KMO: variants seen among roughly 807,000 people sequenced by gnomAD.
KMO encodes kynurenine 3-hydroxylase.
In KMO, 24 loss-of-function variants were observed where a neutral mutation model predicts 57.8. That is an observed-to-expected ratio of 0.42 (90% CI 0.30 to 0.58). KMO has a LOEUF of 0.58. KMO is among the 20% of genes least tolerant of loss of function. The probability of loss-of-function intolerance (pLI) is 0.22; values close to 1 mark genes in which losing one functional copy is unlikely to be tolerated. For synonymous variants in KMO, 210 were observed against 193.6 expected (o/e 1.08, Z -0.70); for missense variants, 483 against 588.2 (o/e 0.82, Z 1.85).
intron 1 of KMO, among the ~76,000 whole-genome samples, chr1:241,541,430 G>A (rs1660954465): frequency 6.6e-6 from 1 of 152,184 alleles, no homozygotes; most frequent in Non-Finnish European, 1.5e-5. Flanking sequence ...AGAGGGCTGA[G>A]GAATGGGAAT....
chr1:241,586,920 A>G (rs1663015344), intron 11 of KMO, among the ~76,000 whole-genome samples, 184 bp downstream of exon 11: 1 of 152,158 alleles, frequency 6.6e-6, no homozygotes, highest in Non-Finnish European at 1.5e-5. Context: ...ACACCCAGAA[A>G]AAGAAACATA....
intron 11 of KMO, among the ~76,000 whole-genome samples, chr1:241,587,959 C>T (rs1057355374): frequency 1.3e-5 from 2 of 152,076 alleles, no homozygotes; most frequent in Non-Finnish European, 2.9e-5. Flanking sequence ...CCCAGCATCA[C>T]GTGCTTTCAA....
intron 5 of KMO, 57 bp from the exon 6 acceptor site, chr1:241,560,608 T>A (rs1258338464): frequency 2.5e-6 from 3 of 1,181,746 alleles, no homozygotes; most frequent in Admixed American, 1.7e-5. Context: ...TCAATTTGAT[T>A]AAGTGAAGTA....
intron 1 of KMO, among the ~76,000 whole-genome samples, chr1:241,532,871 A>G (rs181998269): frequency 5.3e-5 from 8 of 152,356 alleles, no homozygotes; most frequent in Middle Eastern, 3.4e-3. Context: ...TAATAAAAAC[A>G]TTTGTTCCGC....
rs115999271 is a variant in KMO, at chr1:241,534,037, A to T, written c.54+1539A>T. ...CCAGAGAAGAGTAGCTGATGAGGCC[A>T]GAAAAGCTGACAGACCAGATCTTGT... On this transcript the variant is annotated intron_variant, in intron 1 of 14. Coordinates refer to ENST00000366559, the MANE Select transcript of KMO (RefSeq NM_003679.5). Among the ~76,000 whole-genome samples, 276 of 152,378 alleles carry T rather than the reference A, an allele frequency of 1.8e-3. 1 individual carries two copies. The highest frequency in any genetic ancestry group is 1.5e-3 in the Non-Finnish European group (105 of 68,028).
chr1:241,559,214 G>T lies in KMO; in HGVS notation c.362-1451G>T, dbSNP rs1438222826. Among the ~76,000 whole-genome samples, 3 of 151,666 alleles carry T rather than the reference G, an allele frequency of 2.0e-5. No homozygotes were observed. The East Asian group carries it at 5.8e-4, about 29-fold the overall frequency. On this transcript the variant is annotated intron_variant, in intron 5 of 14. Coordinates refer to ENST00000366559, the MANE Select transcript of KMO (RefSeq NM_003679.5). ...TTTTTATATATACTTGTTCTAATTT[G>T]CCAAAATCCCATACAGGCAACACAT... is the stretch of plus-strand genomic sequence containing the variant.
chr1:241,594,830 T>C lies in KMO; in HGVS notation c.*2677T>C. 3.5e-6 allele frequency: 3 copies of C among 862,460 alleles called. No individual in the cohort carries two copies. The highest frequency in any genetic ancestry group is 1.8e-5 in the South Asian group (1 of 56,814). The allele number at this position is 862,460 out of a possible 1,614,324, so 53.4% of individuals were successfully genotyped here. On this transcript the variant is annotated 3_prime_UTR_variant, in exon 15 of 15. Transcript: ENST00000366559. ...GTGTGGATGTGGGGTTATGTGGTCA[T>C]GCTCAGATCTACCTAAATCACCCCA... is the stretch of plus-strand genomic sequence containing the variant.
rs1404955917 is a variant in KMO at position 241,592,555 on chromosome 1, T to C, written c.*402T>C. 1 of 178,742 alleles carries C rather than the reference T, an allele frequency of 5.6e-6. No individual in the cohort carries two copies. The highest frequency in any genetic ancestry group is 1.2e-5 in the Non-Finnish European group (1 of 85,676). The allele number at this position is 178,742 out of a possible 1,614,324, so 11.1% of individuals were successfully genotyped here. On this transcript the variant is annotated 3_prime_UTR_variant, in exon 15 of 15. Transcript: ENST00000366559. ...ATCACAACTTAACTAGCATGTTAAC[T>C]GCACTTTTCATTACGTGAATGGAAC...
At chr1:241,564,297 G>A (rs1391278801) in intron 7 of KMO, among the ~76,000 whole-genome samples, 3 of 151,968 alleles carry the variant, frequency 2.0e-5, no homozygotes, top group Admixed American at 6.6e-5. Flanking sequence ...AATACCCCTG[G>A]GAACCTTCAA....
intron 7 of KMO, among the ~76,000 whole-genome samples, chr1:241,563,761 G>A (rs984945195): frequency 2.0e-5 from 3 of 152,134 alleles, no homozygotes; most frequent in African/African-American, 7.2e-5. Context: ...ACATTGTTTA[G>A]GCATGGCAAT....
chr1:241,571,518 C>A (rs1662277724), intron 10 of KMO, among the ~76,000 whole-genome samples: 1 of 152,050 alleles, frequency 6.6e-6, no homozygotes, highest in African/African-American at 2.4e-5. Flanking sequence ...CTACAGAATG[C>A]TTTTTCAGCA....
chr1:241,537,741 C>T (rs190643163), intron 1 of KMO, among the ~76,000 whole-genome samples: 8 of 152,182 alleles, frequency 5.3e-5, no homozygotes, highest in Admixed American at 2.6e-4. Context: ...AGGCAAGAGA[C>T]GGCATGCAGG....
intron 10 of KMO, among the ~76,000 whole-genome samples, chr1:241,574,128 GTC>G (rs1662412928): frequency 6.6e-6 from 1 of 152,094 alleles, no homozygotes; most frequent in South Asian, 2.1e-4. Flanking sequence ...TATAACCTGA[GTC>G]TTTAATGAAT....
At chr1:241,532,521 C>G in intron 1 of KMO, 23 bp downstream of exon 1, 1 of 1,562,894 alleles carries the variant, frequency 6.4e-7, no homozygotes, top group Non-Finnish European at 8.8e-7. Flanking sequence ...AGATGGATTA[C>G]TATTGTTGGT....
At chr1:241,553,122 T>A (rs1035940685) in intron 4 of KMO, among the ~76,000 whole-genome samples, 25 of 152,222 alleles carry the variant, frequency 1.6e-4, no homozygotes, top group African/African-American at 5.8e-4. Context: ...TTTTTTAGGT[T>A]TTACTATTAT....
chr1:241,594,468 T>C lies in KMO; in HGVS notation c.*2315T>C, dbSNP rs750284319. 2 of 1,614,080 alleles carry C rather than the reference T, an allele frequency of 1.2e-6. No homozygotes were observed. Among genetic ancestry groups the C allele is most frequent in the South Asian group, 1.1e-5 (1 of 91,080 alleles). The stretch of plus-strand genomic sequence containing the variant: ...TTGGATTACATCAACTTTGGACCCA[T>C]TGGTTTTGTCGCTGTCGTCAACTGA... On this transcript the variant is annotated 3_prime_UTR_variant, in exon 15 of 15. Coordinates refer to ENST00000366559, the MANE Select transcript of KMO (RefSeq NM_003679.5).
chr1:241,584,891 G>A (rs1371159330), intron 10 of KMO, among the ~76,000 whole-genome samples: 1 of 152,058 alleles, frequency 6.6e-6, no homozygotes, highest in East Asian at 1.9e-4. Context: ...ATATATTCTT[G>A]TGCAATTTAC....
At chr1:241,572,432 A>C (rs546580374) in intron 10 of KMO, among the ~76,000 whole-genome samples, 3 of 151,512 alleles carry the variant, frequency 2.0e-5, no homozygotes, top group African/African-American at 7.3e-5. Flanking sequence ...CTCCATTTTG[A>C]CCTCTGATTT....
Position 241,581,083 on chromosome 1 carries a change from C to G in KMO, c.958-5596C>G, listed in dbSNP as rs537676783. Among the ~76,000 whole-genome samples, 229 of 152,142 alleles carry G rather than the reference C, an allele frequency of 1.5e-3. 2 individuals carry two copies. Among genetic ancestry groups the G allele is most frequent in the Middle Eastern group, 0.01 (3 of 294 alleles). ...CCTTTTTGTCATTATATAATGAACTCATTTGTTTGTCTTTAGAGTTTTTGT... is the reference window on the plus strand; with the variant it reads ...CCTTTTTGTCATTATATAATGAACTGATTTGTTTGTCTTTAGAGTTTTTGT... On this transcript the variant is annotated intron_variant, in intron 10 of 14. Coordinates refer to ENST00000366559, the MANE Select transcript of KMO (RefSeq NM_003679.5).
Sources: gnomAD v4.1 joint callset for allele counts (sites outside exome capture counted in the v4.1 genomes callset) on GRCh38, gnomAD v4.1.1 for gene constraint, MANE v1.5 for transcripts, NCBI Gene and HGNC (gene_info 2026-07-23, HGNC 2026-07-21) for gene names.